KCNMB2: variants seen among roughly 807,000 people sequenced by gnomAD.
KCNMB2 encodes the protein calcium-activated potassium channel subunit beta-2.
In KCNMB2, 9 loss-of-function variants were observed where a neutral mutation model predicts 24.5. The observed-to-expected ratio is 0.37, with a 90% CI of 0.22 to 0.64. KCNMB2 has a LOEUF of 0.64. Ranked by LOEUF, KCNMB2 falls within the 30% of genes least tolerant of loss-of-function variation. The pLI is 0.63. For synonymous variants in KCNMB2, 109 were observed against 104.4 expected (o/e 1.04, Z -0.27); for missense variants, 226 against 284.3 (o/e 0.79, Z 1.47).
chr3:178,772,184 C>T (rs527910873), intron 1 of KCNMB2, among the ~76,000 whole-genome samples: 35 of 152,276 alleles, frequency 2.3e-4, no homozygotes, highest in Non-Finnish European at 4.0e-4. Flanking sequence ...AGTCATAATT[C>T]GTTATCTTTA....
intron 1 of KCNMB2, among the ~76,000 whole-genome samples, chr3:178,619,049 G>A (rs1463046789): frequency 2.0e-5 from 3 of 152,122 alleles, no homozygotes; most frequent in Non-Finnish European, 4.4e-5. Flanking sequence ...ATACAGTGAG[G>A]AAACAGCAGT....
At position 178,757,923 on chromosome 3, in the gene KCNMB2, G is replaced by GGATACATATATATATCCAAGAC. The variant is rs1724211010; in HGVS notation, c.-67-49416_-67-49415insCATATATATATCCAAGACGATA. 3.3e-5 allele frequency among the ~76,000 whole-genome samples: 4 copies of GGATACATATATATATCCAAGAC among 121,508 alleles called. 1 individual carries two copies. The South Asian group carries it at 1.1e-3, about 34-fold the overall frequency. 79.7% of individuals were successfully genotyped at this position (121,508 alleles called of 152,430 possible). A position where few individuals can be genotyped will look rare whatever the true frequency, so the allele number is the denominator to read the frequency against. On this transcript the variant is annotated intron_variant, in intron 1 of 4. Transcript: ENST00000452583. ...AGAGGATACATATATATATCCAAGA[G>GGATACATATATATATCCAAGAC]GATATATATATACACAAGGGGATAT...
At chr3:178,842,525 T>C (rs1012559572) in intron 4 of KCNMB2, 128 bp from the exon 5 acceptor site, 13 of 639,440 alleles carry the variant, frequency 2.0e-5, no homozygotes, top group Non-Finnish European at 3.0e-5. Context: ...GGCACCAGTT[T>C]GAATATGAAA....
At chr3:178,721,975 GTAATT>G (rs1444989713) in intron 1 of KCNMB2, among the ~76,000 whole-genome samples, 4 of 152,052 alleles carry the variant, frequency 2.6e-5, no homozygotes, top group Non-Finnish European at 5.9e-5. Flanking sequence ...TGTCAGATAT[GTAATT>G]TCAAATATTT....
At chr3:178,825,151 G>T (rs1714784985) in intron 2 of KCNMB2, among the ~76,000 whole-genome samples, 1 of 152,092 alleles carries the variant, frequency 6.6e-6, no homozygotes, top group Non-Finnish European at 1.5e-5. Flanking sequence ...TATATTCCTA[G>T]TATATGTTGC....
chr3:178,671,387 T>C (rs925159427), intron 1 of KCNMB2, among the ~76,000 whole-genome samples: 4 of 152,148 alleles, frequency 2.6e-5, no homozygotes, highest in Admixed American at 6.5e-5. Flanking sequence ...CTTGTGGCAT[T>C]TGGAACTAGA....
In KCNMB2 at chr3:178,559,995, T is replaced by A. The variant is rs187334782; in HGVS notation, c.-68+23284T>A. Among the ~76,000 whole-genome samples, 137 of 147,856 alleles carry A rather than the reference T, an allele frequency of 9.3e-4. 1 individual carries two copies. Among genetic ancestry groups the A allele is most frequent in the Non-Finnish European group, 1.3e-3 (90 of 67,046 alleles). ...TTAAAACAATATATGTATATTTATA[T>A]ACTCTTTTATGAATACACAGCATAT... On this transcript the variant is annotated intron_variant, in intron 1 of 4. Transcript: ENST00000452583.
intron 1 of KCNMB2, among the ~76,000 whole-genome samples, chr3:178,583,023 T>C (rs762234883): frequency 6.6e-6 from 1 of 152,184 alleles, no homozygotes; most frequent in South Asian, 2.1e-4. Flanking sequence ...TTGGTTCTCT[T>C]TAAAAATGGA....
chr3:178,816,176 T>A (rs1714398245), intron 2 of KCNMB2, among the ~76,000 whole-genome samples: 1 of 151,944 alleles, frequency 6.6e-6, no homozygotes, highest in South Asian at 2.1e-4. Context: ...GATTTATAAG[T>A]ATTTGAGTTT....
At chr3:178,651,113 C>G (rs1211137056) in intron 1 of KCNMB2, among the ~76,000 whole-genome samples, 1 of 152,122 alleles carries the variant, frequency 6.6e-6, no homozygotes, top group African/African-American at 2.4e-5. Context: ...GAGAGGAAGT[C>G]AAATGGTCTC....
chr3:178,659,824 C>T (rs1720463995), intron 1 of KCNMB2, among the ~76,000 whole-genome samples: 3 of 152,178 alleles, frequency 2.0e-5, no homozygotes, highest in Admixed American at 2.0e-4. Context: ...GTAGCTTTTG[C>T]TATGATCATT....
In KCNMB2 at chr3:178,661,857, G is replaced by T. The variant is rs1030674481; in HGVS notation, c.-68+125146G>T. ...TTTAATTCATTGAATGCCTCTTATA[G>T]TCCAAGCATTCTTACAGGGACAATA... On this transcript the variant is annotated intron_variant, in intron 1 of 4. Coordinates refer to ENST00000452583, the MANE Select transcript of KCNMB2 (RefSeq NM_181361.3). Among the ~76,000 whole-genome samples the T allele has an allele frequency of 3.3e-5, 5 of 152,114 alleles. No homozygotes were observed. In the South Asian group the frequency reaches 1.0e-3, roughly 31 times the overall value.
intron 1 of KCNMB2, among the ~76,000 whole-genome samples, chr3:178,746,233 AC>A (rs1301039348): frequency 2.0e-5 from 3 of 152,086 alleles, no homozygotes; most frequent in Non-Finnish European, 4.4e-5. Context: ...CCAATTCTTG[AC>A]TTCTGTGTAC....
At chr3:178,595,058 G>GCA (rs1454383260) in intron 1 of KCNMB2, among the ~76,000 whole-genome samples, 1 of 21,836 alleles carries the variant, frequency 4.6e-5, no homozygotes, top group Non-Finnish European at 8.4e-5. Flanking sequence ...TACAGTATTT[G>GCA]CAAAAAAAAA....
chr3:178,797,941 G>A (rs1713616905), intron 1 of KCNMB2, among the ~76,000 whole-genome samples: 1 of 102,800 alleles, frequency 9.7e-6, no homozygotes, highest in South Asian at 3.2e-4. Context: ...CTGCTTGCCT[G>A]TTGTTGGTGT....
chr3:178,787,553 G>C (rs932472452), intron 1 of KCNMB2, among the ~76,000 whole-genome samples: 2 of 152,130 alleles, frequency 1.3e-5, no homozygotes, highest in Non-Finnish European at 2.9e-5. Flanking sequence ...AGGCCACTTA[G>C]ATAATAAGGA....
chr3:178,730,097 A>G (rs1157543213), intron 1 of KCNMB2, among the ~76,000 whole-genome samples: 2 of 152,174 alleles, frequency 1.3e-5, no homozygotes, highest in Non-Finnish European at 2.9e-5. Flanking sequence ...ATCCACACTC[A>G]TTGGCCTCAA....
At position 178,842,506 on chromosome 3, in the gene KCNMB2, G is replaced by A. The variant is rs1715460609; in HGVS notation, c.424-147G>A. On this transcript the variant is annotated intron_variant, in intron 4 of 4. Coordinates refer to ENST00000452583, the MANE Select transcript of KCNMB2 (RefSeq NM_181361.3). ...TTTAATCAATGTGTTATTTATTAGG[G>A]TTTCCAAAGGCACCAGTTTGAATAT... The A allele has an allele frequency of 1.0e-5, 6 of 588,524 alleles. No homozygotes were observed. In the East Asian group the frequency reaches 1.6e-4, roughly 16 times the overall value. 36.5% of individuals were successfully genotyped at this position (588,524 alleles called of 1,614,324 possible).
At chr3:178,764,830 A>G (rs932767076) in intron 1 of KCNMB2, among the ~76,000 whole-genome samples, 3 of 152,128 alleles carry the variant, frequency 2.0e-5, no homozygotes, top group Non-Finnish European at 2.9e-5. Flanking sequence ...ATAAAATAAA[A>G]TCTCTCCTGG....
Sources: allele counts gnomAD v4.1 joint callset (sites outside exome capture counted in the v4.1 genomes callset), GRCh38; gene constraint gnomAD v4.1.1; transcripts MANE v1.5; gene names NCBI Gene and HGNC (gene_info 2026-07-23, HGNC 2026-07-21).